FRMD4A: variants seen among roughly 807,000 people sequenced by gnomAD.
The protein encoded by FRMD4A is FERM domain containing 4A.
A neutral mutation model predicts 129.1 loss-of-function variants in FRMD4A; 29 were observed. The ratio of observed to expected loss-of-function variants is 0.22; its 90% CI spans 0.17 to 0.31. FRMD4A has a LOEUF of 0.31. Ranked by LOEUF, FRMD4A falls within the 10% of genes least tolerant of loss-of-function variation. The probability of loss-of-function intolerance (pLI) is 1.00; values close to 1 mark genes in which losing one functional copy is unlikely to be tolerated. For synonymous variants in FRMD4A, 634 were observed against 571.6 expected (o/e 1.11, Z -1.56); for missense variants, 1,272 against 1,375.8 (o/e 0.92, Z 1.19).
At chr10:14,022,531 T>C (rs1832805866) in intron 2 of FRMD4A, among the ~76,000 whole-genome samples, 1 of 152,154 alleles carries the variant, frequency 6.6e-6, no homozygotes, top group East Asian at 1.9e-4. Context: ...TAAATGTGAT[T>C]TAAATGCTTC....
At chr10:13,886,986 G>T (rs1239714243) in intron 2 of FRMD4A, among the ~76,000 whole-genome samples, 3 of 152,180 alleles carry the variant, frequency 2.0e-5, no homozygotes, top group Non-Finnish European at 4.4e-5. Context: ...CAAAGGGTAT[G>T]GATGTACCAA....
At chr10:14,218,090 A>C (rs1012831788) in intron 2 of FRMD4A, among the ~76,000 whole-genome samples, 35 of 152,226 alleles carry the variant, frequency 2.3e-4, no homozygotes, top group Non-Finnish European at 3.7e-4. Flanking sequence ...TGGGCCTCCC[A>C]AAGTGCTGGG....
At chr10:14,061,211 C>T (rs767369377) in intron 2 of FRMD4A, among the ~76,000 whole-genome samples, 3 of 151,982 alleles carry the variant, frequency 2.0e-5, no homozygotes, top group South Asian at 2.1e-4. Flanking sequence ...ATTTGGAGGC[C>T]GAAGCGGGTG....
At chr10:14,147,702 G>C (rs1402063990) in intron 2 of FRMD4A, among the ~76,000 whole-genome samples, 1 of 152,076 alleles carries the variant, frequency 6.6e-6, no homozygotes, top group Non-Finnish European at 1.5e-5. Flanking sequence ...GATCTGACAG[G>C]AGGTGGAGCT....
At chr10:13,989,563 G>A (rs1025090219) in intron 2 of FRMD4A, among the ~76,000 whole-genome samples, 1 of 152,158 alleles carries the variant, frequency 6.6e-6, no homozygotes, top group Non-Finnish European at 1.5e-5. Flanking sequence ...TCTTGACCTC[G>A]TGATCCACCC....
At chr10:13,891,799 C>A in intron 2 of FRMD4A, 1 of 951,512 alleles carries the variant, frequency 1.1e-6, no homozygotes, top group Non-Finnish European at 1.2e-6. Context: ...CGCGGGCCCT[C>A]GGCGTCAGCC....
At chr10:14,181,308 G>A (rs1331032898) in intron 2 of FRMD4A, among the ~76,000 whole-genome samples, 1 of 151,920 alleles carries the variant, frequency 6.6e-6, no homozygotes, top group African/African-American at 2.4e-5. Flanking sequence ...TTTTCCTTAA[G>A]GTTTGTGGTT....
Position 13,856,136 on chromosome 10 carries a change from T to C in FRMD4A, c.111+2711A>G, listed in dbSNP as rs2094210459. On this transcript the variant is annotated intron_variant, in intron 3 of 24. Coordinates refer to ENST00000357447, the MANE Select transcript of FRMD4A (RefSeq NM_018027.5). ...TCTATCTATGTATAGGTAGTGTGTA[T>C]ATCTCTCAGTGTGTAGATAGATTGT... Among the ~76,000 whole-genome samples, 3 of 152,034 alleles carry C rather than the reference T, an allele frequency of 2.0e-5. No individual in the cohort carries two copies. In the South Asian group the frequency reaches 6.3e-4, roughly 32 times the overall value.
intron 4 of FRMD4A, among the ~76,000 whole-genome samples, chr10:13,798,253 A>G (rs980714884): frequency 2.0e-5 from 3 of 152,104 alleles, no homozygotes; most frequent in South Asian, 2.1e-4. Flanking sequence ...TCTACTAAAA[A>G]TACAAAAAAT....
chr10:14,028,434 A>C (rs1833082260), intron 2 of FRMD4A, among the ~76,000 whole-genome samples: 1 of 152,188 alleles, frequency 6.6e-6, no homozygotes, highest in African/African-American at 2.4e-5. Context: ...GGGATGAGGG[A>C]GAGTCACTGA....
chr10:14,214,196 G>A (rs948768931), intron 2 of FRMD4A, among the ~76,000 whole-genome samples: 1 of 152,150 alleles, frequency 6.6e-6, no homozygotes. Flanking sequence ...TCTGGAAATG[G>A]ACTCATACAG....
In FRMD4A at chr10:14,031,406, T is replaced by C. The variant is rs1833238488; in HGVS notation, c.46-172494A>G. 2.6e-5 allele frequency among the ~76,000 whole-genome samples: 4 copies of C among 152,154 alleles called. No individual in the cohort carries two copies. The South Asian group carries it at 6.2e-4, about 24-fold the overall frequency. On this transcript the variant is annotated intron_variant, in intron 2 of 24. Transcript: ENST00000357447. ...CCTTAGCCTCCTGAGTAGCTGAGAA[T>C]ACAGGCGCCAACCACCATGCCTGGC...
chr10:13,705,984 A>C (rs2087394039), intron 13 of FRMD4A, among the ~76,000 whole-genome samples: 1 of 152,212 alleles, frequency 6.6e-6, no homozygotes, highest in Non-Finnish European at 1.5e-5. Flanking sequence ...GCTACTGCAC[A>C]GGTCCAAGCC....
chr10:14,235,606 T>A (rs1162450586), intron 2 of FRMD4A, among the ~76,000 whole-genome samples: 1 of 152,208 alleles, frequency 6.6e-6, no homozygotes, highest in Non-Finnish European at 1.5e-5. Context: ...ACACTTGTTA[T>A]GCCTGTTAAC....
rs373837601 is a variant in FRMD4A, at chr10:14,108,960, A to G, written c.45+221098T>C. Reference sequence around the variant, plus strand: ...CTTTGTAGGTCATGTAATTTTTCACACTTTTCTGACTTATTGATAAGGTCA... The same window carrying G: ...CTTTGTAGGTCATGTAATTTTTCACGCTTTTCTGACTTATTGATAAGGTCA... On this transcript the variant is annotated intron_variant, in intron 2 of 24. Transcript: ENST00000357447. 5.0e-4 allele frequency among the ~76,000 whole-genome samples: 76 copies of G among 152,272 alleles called. 1 individual carries two copies. In the East Asian group the frequency reaches 7.7e-3, roughly 15 times the overall value.
At chr10:13,650,369 G>A (rs115960838) in intron 24 of FRMD4A, among the ~76,000 whole-genome samples, 1 of 152,282 alleles carries the variant, frequency 6.6e-6, no homozygotes, top group African/African-American at 2.4e-5. Flanking sequence ...CTGTTGCTCA[G>A]TATAATGTAT....
Position 13,657,201 on chromosome 10 carries a change from G to A in FRMD4A, c.2388C>T (p.Ala796=). The change falls in exon 22 of 25, where the codon GCC becomes GCT. Residue 796 remains alanine, a synonymous_variant. Transcript: ENST00000357447. ...CCAGGTTGGGCATGCTGCCCGAGCT[G>A]GCTGAGCCCAGTGCGCCCGCCGCCC... ...RQRAAGALGS[A]SSGSMPNLAA... is the part of the protein sequence containing the mutation. 6.5e-7 allele frequency: 1 copy of A among 1,536,496 alleles called. No homozygotes were observed. Among genetic ancestry groups the A allele is most frequent in the Non-Finnish European group, 8.7e-7 (1 of 1,147,884 alleles).
intron 2 of FRMD4A, among the ~76,000 whole-genome samples, chr10:13,944,550 G>A (rs2457847): frequency 0.016 from 2,490 of 152,142 alleles, 72 homozygotes; most frequent in African/African-American, 0.057. Context: ...CTCAGTCCTT[G>A]GAAAAATTGT....
intron 2 of FRMD4A, among the ~76,000 whole-genome samples, chr10:13,993,621 CA>C (rs1469914493): frequency 2.6e-5 from 4 of 151,796 alleles, no homozygotes; most frequent in Non-Finnish European, 5.9e-5. Flanking sequence ...AATATCTTCC[CA>C]AAACAAAAAA....
Sources: gnomAD v4.1 joint callset for allele counts (sites outside exome capture counted in the v4.1 genomes callset) on GRCh38, gnomAD v4.1.1 for gene constraint, MANE v1.5 for transcripts, NCBI Gene and HGNC (gene_info 2026-07-23, HGNC 2026-07-21) for gene names.